Variants in SLCO6A1 observed in about 807,000 individuals in gnomAD.
SLCO6A1 encodes the protein solute carrier organic anion transporter family member 6A1.
SLCO6A1 carries 65 observed loss-of-function variants against 72.7 expected under a neutral mutation model. The ratio of observed to expected loss-of-function variants is 0.89; its 90% CI spans 0.73 to 1.10. SLCO6A1 has a LOEUF of 1.10. Ranked by LOEUF, SLCO6A1 falls within the 50% of genes least tolerant of loss-of-function variation. The pLI is 0.00. For missense variants in SLCO6A1, 874 were observed against 872.6 expected (o/e 1.00, Z -0.02); for synonymous variants, 314 against 298.2 (o/e 1.05, Z -0.55).
At chr5:102,460,448 T>C (rs1750965808) in intron 4 of SLCO6A1, among the ~76,000 whole-genome samples, 1 of 152,168 alleles carries the variant, frequency 6.6e-6, no homozygotes, top group Non-Finnish European at 1.5e-5. Context: ...TGGGATTTGT[T>C]ATTATTCTCA....
intron 1 of SLCO6A1, among the ~76,000 whole-genome samples, chr5:102,492,951 C>T (rs1752749962): frequency 1.3e-5 from 2 of 152,164 alleles, no homozygotes; most frequent in Non-Finnish European, 2.9e-5. Context: ...GTAGACTCCA[C>T]CTCTAGGGGC....
intron 12 of SLCO6A1, among the ~76,000 whole-genome samples, chr5:102,377,348 A>G (rs946247503): frequency 4.6e-5 from 7 of 152,192 alleles, no homozygotes; most frequent in African/African-American, 1.7e-4. Flanking sequence ...GAATCTTCCA[A>G]GAGCATAAAA....
At chr5:102,420,191 T>C (rs1386105809) in intron 7 of SLCO6A1, among the ~76,000 whole-genome samples, 170 bp from the exon 8 acceptor site, 1 of 152,176 alleles carries the variant, frequency 6.6e-6, no homozygotes, top group Non-Finnish European at 1.5e-5. Flanking sequence ...CGAACCTTAA[T>C]AGAAACAAAA....
Position 102,419,780 on chromosome 5 carries a change from C to T in SLCO6A1, c.1472+46G>A, listed in dbSNP as rs565325971. The T allele has an allele frequency of 3.5e-6, 5 of 1,431,438 alleles. No homozygotes were observed. In the South Asian group the frequency reaches 5.3e-5, roughly 15 times the overall value. The allele number at this position is 1,431,438 out of a possible 1,614,324, so 88.7% of individuals were successfully genotyped here. Reference sequence around the variant, plus strand: ...AATTATTAATTGCCTGAGGAATATGCTGTAGGATTTTGATGTAAAAGTCTA... The same window carrying T: ...AATTATTAATTGCCTGAGGAATATGTTGTAGGATTTTGATGTAAAAGTCTA... On this transcript the variant is annotated intron_variant, in intron 8 of 13. Transcript: ENST00000506729.
chr5:102,491,029 C>G (rs1431023774), intron 1 of SLCO6A1, among the ~76,000 whole-genome samples: 2 of 152,050 alleles, frequency 1.3e-5, no homozygotes, highest in Admixed American at 6.6e-5. Context: ...TTTGGCAGGG[C>G]GCTGATTGGT....
At chr5:102,494,109 AG>A (rs1484922840) in intron 1 of SLCO6A1, among the ~76,000 whole-genome samples, 1 of 152,226 alleles carries the variant, frequency 6.6e-6, no homozygotes, top group African/African-American at 2.4e-5. Context: ...AGAACTGAAT[AG>A]AAAGTCTTGA....
intron 4 of SLCO6A1, 121 bp downstream of exon 4, chr5:102,475,576 A>T: frequency 1.7e-6 from 1 of 572,846 alleles, no homozygotes; most frequent in East Asian, 2.9e-5. Flanking sequence ...ACATTTGCAT[A>T]TATTTTTTCT....
chr5:102,380,197 A>G (rs1479199108), intron 12 of SLCO6A1, among the ~76,000 whole-genome samples: 1 of 151,902 alleles, frequency 6.6e-6, no homozygotes, highest in Non-Finnish European at 1.5e-5. Context: ...TTTCTTATAT[A>G]TGTATATATT....
chr5:102,434,291 C>T (rs1749383951), intron 7 of SLCO6A1, among the ~76,000 whole-genome samples: 1 of 152,060 alleles, frequency 6.6e-6, no homozygotes, highest in Admixed American at 6.6e-5. Context: ...CCCCTCTGGA[C>T]ACTCTTTATC....
At chr5:102,449,588 G>A (rs9784669) in intron 6 of SLCO6A1, among the ~76,000 whole-genome samples, 8,245 of 151,988 alleles carry the variant, frequency 0.054, 740 homozygotes, top group African/African-American at 0.19. Flanking sequence ...GGGTTTCACC[G>A]TGTTACCCAG....
At chr5:102,472,628 G>T (rs1235576198) in intron 4 of SLCO6A1, among the ~76,000 whole-genome samples, 1 of 151,908 alleles carries the variant, frequency 6.6e-6, no homozygotes, top group Non-Finnish European at 1.5e-5. Context: ...AGAGATTACA[G>T]CAGAAATACT....
chr5:102,382,579 T>C (rs1349092711), intron 12 of SLCO6A1, among the ~76,000 whole-genome samples: 1 of 151,612 alleles, frequency 6.6e-6, no homozygotes, highest in Non-Finnish European at 1.5e-5. Flanking sequence ...CTGGGTACTA[T>C]GAACATGTTA....
chr5:102,394,860 T>A (rs1208150843), intron 10 of SLCO6A1, among the ~76,000 whole-genome samples: 2 of 152,096 alleles, frequency 1.3e-5, no homozygotes, highest in East Asian at 3.9e-4. Flanking sequence ...GAAATGGAAA[T>A]AATTTTGGGA....
intron 10 of SLCO6A1, 152 bp downstream of exon 10, chr5:102,399,403 T>C: frequency 4.6e-6 from 2 of 439,256 alleles, no homozygotes; most frequent in Non-Finnish European, 7.8e-6. Context: ...GAAATAATTA[T>C]ACACATGAAT....
At chr5:102,373,531 G>A (rs759528774) in intron 12 of SLCO6A1, 37 bp from the exon 13 acceptor site, 4 of 1,361,108 alleles carry the variant, frequency 2.9e-6, no homozygotes, top group Admixed American at 5.3e-5. Flanking sequence ...ATATGTCCAT[G>A]TATTTAGAAC....
intron 4 of SLCO6A1, among the ~76,000 whole-genome samples, chr5:102,460,279 C>G (rs541905418): frequency 6.6e-6 from 1 of 152,166 alleles, no homozygotes; most frequent in East Asian, 1.9e-4. Flanking sequence ...TCCGAACTTT[C>G]AGATTTAGTG....
chr5:102,423,941 A>T (rs774264174), intron 7 of SLCO6A1, among the ~76,000 whole-genome samples: 15 of 152,210 alleles, frequency 9.9e-5, no homozygotes, highest in Middle Eastern at 3.2e-3. Flanking sequence ...CCAAAGTGCA[A>T]CCAAATTAGA....
intron 10 of SLCO6A1, among the ~76,000 whole-genome samples, chr5:102,396,127 G>A (rs1411535533): frequency 1.3e-5 from 2 of 152,070 alleles, no homozygotes; most frequent in Non-Finnish European, 1.5e-5. Flanking sequence ...ATGCCTATGT[G>A]CTGAATGGTA....
At chr5:102,491,387 C>T (rs1752669140) in intron 1 of SLCO6A1, among the ~76,000 whole-genome samples, 1 of 152,244 alleles carries the variant, frequency 6.6e-6, no homozygotes, top group African/African-American at 2.4e-5. Context: ...GCACGGTGCA[C>T]CCGCACTCCT....
Sources: allele counts gnomAD v4.1 joint callset (sites outside exome capture counted in the v4.1 genomes callset), GRCh38; gene constraint gnomAD v4.1.1; transcripts MANE v1.5; gene names NCBI Gene and HGNC (gene_info 2026-07-23, HGNC 2026-07-21).